Variants in ARSB observed in about 807,000 individuals in gnomAD.
ARSB encodes arylsulfatase B.
Under a neutral mutation model 50.9 loss-of-function variants are expected in ARSB, and 41 were observed. The ratio of observed to expected loss-of-function variants is 0.81; its 90% CI spans 0.63 to 1.04. The LOEUF is 1.04. Among genes scored for constraint, ARSB ranks in the 50% least tolerant of loss-of-function variants. The pLI, the probability that ARSB is intolerant of heterozygous loss-of-function variation, is 0.00. For missense variants in ARSB, 672 were observed against 693.3 expected (o/e 0.97, Z 0.35); for synonymous variants, 269 against 284.8 (o/e 0.94, Z 0.56).
intron 6 of ARSB, among the ~76,000 whole-genome samples, chr5:78,794,075 G>A (rs565223973): frequency 5.3e-5 from 8 of 152,214 alleles, no homozygotes; most frequent in African/African-American, 1.9e-4. Context: ...CTTAACTTGA[G>A]CATAAACATT....
chr5:78,845,492 C>T (rs1471438924), intron 5 of ARSB, among the ~76,000 whole-genome samples: 1 of 152,086 alleles, frequency 6.6e-6, no homozygotes, highest in Non-Finnish European at 1.5e-5. Context: ...TGCATTCTCA[C>T]CAGTGGTGGA....
chr5:78,787,640 T>A (rs530723143), intron 6 of ARSB, among the ~76,000 whole-genome samples: 2 of 152,288 alleles, frequency 1.3e-5, no homozygotes, highest in African/African-American at 2.4e-5. Flanking sequence ...GACAAAAGAA[T>A]ATAAAAGATA....
chr5:78,785,337 G>A (rs1042270333), intron 6 of ARSB, among the ~76,000 whole-genome samples: 6 of 152,146 alleles, frequency 3.9e-5, no homozygotes, highest in South Asian at 2.1e-4. Context: ...GTCTGAAGTT[G>A]TTGGGCTCAA....
intron 5 of ARSB, among the ~76,000 whole-genome samples, chr5:78,861,475 C>T (rs1232799371): frequency 2.0e-5 from 3 of 152,042 alleles, no homozygotes; most frequent in Non-Finnish European, 4.4e-5. Context: ...AATCAATGAA[C>T]GTAATCCATC....
intron 5 of ARSB, among the ~76,000 whole-genome samples, chr5:78,874,535 T>C (rs1395859634): frequency 5.9e-5 from 9 of 152,092 alleles, no homozygotes; most frequent in Admixed American, 1.3e-4. Flanking sequence ...GATATTTGTA[T>C]AATGATAAAC....
chr5:78,820,226 G>A (rs1029144734), intron 6 of ARSB, among the ~76,000 whole-genome samples: 1 of 152,164 alleles, frequency 6.6e-6, no homozygotes, highest in Non-Finnish European at 1.5e-5. Flanking sequence ...CCAGAACTGT[G>A]AGAAATAAAG....
At chr5:78,942,650 G>C (rs1339718804) in intron 4 of ARSB, among the ~76,000 whole-genome samples, 2 of 152,212 alleles carry the variant, frequency 1.3e-5, no homozygotes, top group Non-Finnish European at 2.9e-5. Context: ...CTGAGAGACA[G>C]TTTGCTATAA....
In ARSB at chr5:78,822,731, G is replaced by A. The variant is rs538470651; in HGVS notation, c.1213+16625C>T. 6.6e-5 allele frequency among the ~76,000 whole-genome samples: 10 copies of A among 152,138 alleles called. 1 individual carries two copies. Among genetic ancestry groups the A allele is most frequent in the African/African-American group, 2.2e-4 (9 of 41,508 alleles). ...CGGCTTACTGCAAGCTCTGCCTTCC[G>A]GGTTCACGCCATTCTCCTGCCTCAG... On this transcript the variant is annotated intron_variant, in intron 6 of 7. Transcript: ENST00000264914.
At chr5:78,984,207 T>C (rs2112577349) in intron 1 of ARSB, among the ~76,000 whole-genome samples, 1 of 152,344 alleles carries the variant, frequency 6.6e-6, no homozygotes, top group Admixed American at 6.5e-5. Flanking sequence ...ACTGTTTCAA[T>C]AATTCACTTT....
At chr5:78,852,169 A>T (rs1745836728) in intron 5 of ARSB, among the ~76,000 whole-genome samples, 1 of 152,190 alleles carries the variant, frequency 6.6e-6, no homozygotes, top group Admixed American at 6.5e-5. Flanking sequence ...TGGTCTTTAC[A>T]ATTTGGCATG....
At chr5:78,984,260 CCATCTAA>C (rs1753043487) in intron 1 of ARSB, among the ~76,000 whole-genome samples, 1 of 152,220 alleles carries the variant, frequency 6.6e-6, no homozygotes, top group African/African-American at 2.4e-5. Flanking sequence ...ATATTCTTAG[CCATCTAA>C]CATCTATGCA....
intron 5 of ARSB, among the ~76,000 whole-genome samples, chr5:78,848,184 C>T (rs1168026428): frequency 6.7e-6 from 1 of 150,216 alleles, no homozygotes; most frequent in Non-Finnish European, 1.5e-5. Context: ...CGTCATTTAG[C>T]ATTAGGTATA....
In ARSB at chr5:78,842,099, C is replaced by CCACACA. The variant is rs56103705; in HGVS notation, c.1143-2679_1143-2674dup. The stretch of plus-strand genomic sequence containing the variant: ...ATTCAAGTAATTATACCCTCCACCA[C>CCACACA]CACACACACACACACACACACATCA... On this transcript the variant is annotated intron_variant, in intron 5 of 7. Coordinates refer to ENST00000264914, the MANE Select transcript of ARSB (RefSeq NM_000046.5). Among the ~76,000 whole-genome samples, 1,171 of 149,692 alleles carry CCACACA rather than the reference C, an allele frequency of 7.8e-3. 6 individuals are homozygous for CCACACA. Among genetic ancestry groups the CCACACA allele is most frequent in the South Asian group, 0.014 (66 of 4,736 alleles).
At chr5:78,781,809 T>G in intron 7 of ARSB, 43 bp downstream of exon 7, 1 of 1,613,582 alleles carries the variant, frequency 6.2e-7, no homozygotes. Flanking sequence ...AGCCCTGCTT[T>G]GTCTACCACG....
At chr5:78,926,085 A>G (rs923267930) in intron 4 of ARSB, among the ~76,000 whole-genome samples, 6 of 152,192 alleles carry the variant, frequency 3.9e-5, no homozygotes, top group Non-Finnish European at 7.3e-5. Flanking sequence ...TTAAAATTTC[A>G]AAGAAAATAT....
chr5:78,844,122 C>A (rs1745343509), intron 5 of ARSB, among the ~76,000 whole-genome samples: 1 of 152,070 alleles, frequency 6.6e-6, no homozygotes, highest in Non-Finnish European at 1.5e-5. Flanking sequence ...TGAGGACTTG[C>A]CGAACAATTT....
chr5:78,904,164 G>GA (rs1396887777), intron 4 of ARSB, among the ~76,000 whole-genome samples: 1 of 152,196 alleles, frequency 6.6e-6, no homozygotes, highest in Non-Finnish European at 1.5e-5. Context: ...ATGCTAATGT[G>GA]TGTATCAACA....
chr5:78,846,804 A>C (rs1020575535), intron 5 of ARSB, among the ~76,000 whole-genome samples: 2 of 152,166 alleles, frequency 1.3e-5, no homozygotes, highest in African/African-American at 4.8e-5. Flanking sequence ...AAAGTGGTAA[A>C]AGTGAGCATC....
intron 5 of ARSB, among the ~76,000 whole-genome samples, chr5:78,857,567 G>GT (rs1197205374): frequency 6.6e-6 from 1 of 152,142 alleles, no homozygotes; most frequent in Non-Finnish European, 1.5e-5. Context: ...GGTAATGGGT[G>GT]TTTTTATTAC....
Sources: gnomAD v4.1 joint callset for allele counts (sites outside exome capture counted in the v4.1 genomes callset) on GRCh38, gnomAD v4.1.1 for gene constraint, MANE v1.5 for transcripts, NCBI Gene and HGNC (gene_info 2026-07-23, HGNC 2026-07-21) for gene names.